CLMP: variants seen among roughly 807,000 people sequenced by gnomAD.
CLMP encodes the protein CXADR-like membrane protein.
CLMP carries 27 observed loss-of-function variants against 45.2 expected under a neutral mutation model. The ratio of observed to expected loss-of-function variants is 0.60; its 90% confidence interval spans 0.44 to 0.82. The LOEUF is 0.82. Among genes scored for constraint, CLMP ranks in the 40% least tolerant of loss-of-function variants. CLMP has a pLI of 0.00. For missense variants in CLMP, 403 were observed against 448.4 expected, an observed-to-expected ratio of 0.90 and a Z score of 0.91; for synonymous variants, 167 against 171.4, an observed-to-expected ratio of 0.97 and a Z score of 0.20.
At chr11:123,119,002 T>C (rs1591465649) in intron 1 of CLMP, among the ~76,000 whole-genome samples, 5 of 21,736 alleles carry the variant, frequency 2.3e-4, no homozygotes, top group Non-Finnish European at 4.3e-4. Context: ...TCTTTCTTTC[T>C]CTCTCTCTCT....
At chr11:123,157,923 A>C (rs113457451) in intron 1 of CLMP, among the ~76,000 whole-genome samples, 313 of 152,006 alleles carry the variant, frequency 2.1e-3, no homozygotes, top group African/African-American at 7.0e-3. Context: ...TGGAACCAAC[A>C]CAGTACTGCC....
chr11:123,140,679 G>T (rs2135516635), intron 1 of CLMP, among the ~76,000 whole-genome samples: 2 of 152,206 alleles, frequency 1.3e-5, no homozygotes, highest in East Asian at 3.9e-4. Flanking sequence ...GACTTTTCTG[G>T]CCAGGGAATT....
At chr11:123,106,969 GGAT>G (rs1408645988) in intron 1 of CLMP, among the ~76,000 whole-genome samples, 4 of 151,444 alleles carry the variant, frequency 2.6e-5, no homozygotes, top group Non-Finnish European at 5.9e-5. Context: ...GCAGTGAGCC[GGAT>G]TGAGCCACTG....
intron 1 of CLMP, among the ~76,000 whole-genome samples, chr11:123,170,221 T>A (rs1861611528): frequency 6.6e-6 from 1 of 152,168 alleles, no homozygotes; most frequent in Non-Finnish European, 1.5e-5. Context: ...CCTTATTTGT[T>A]ATGTGATGTG....
chr11:123,191,046 A>C (rs1861899931), intron 1 of CLMP, among the ~76,000 whole-genome samples: 1 of 152,204 alleles, frequency 6.6e-6, no homozygotes, highest in Admixed American at 6.5e-5. Context: ...GGTCTCAATG[A>C]GGTCTTAAAT....
chr11:123,101,586 T>C (rs550626396), intron 1 of CLMP, among the ~76,000 whole-genome samples: 35 of 152,310 alleles, frequency 2.3e-4, no homozygotes, highest in Admixed American at 1.4e-3. Context: ...CTGAGACTGC[T>C]GGGGAGGAGC....
At chr11:123,123,044 C>T (rs180969170) in intron 1 of CLMP, among the ~76,000 whole-genome samples, 35 of 152,056 alleles carry the variant, frequency 2.3e-4, no homozygotes, top group Middle Eastern at 3.4e-3. Context: ...GGAAACCCTA[C>T]CAGACACCGA....
At chr11:123,088,839 G>A (rs1865894835) in intron 2 of CLMP, among the ~76,000 whole-genome samples, 1 of 152,096 alleles carries the variant, frequency 6.6e-6, no homozygotes, top group Non-Finnish European at 1.5e-5. Context: ...GGTCAGGCTG[G>A]TCTCGAACTC....
chr11:123,192,958 TTAAA>T (rs1428452246), intron 1 of CLMP: 2 of 152,242 alleles, frequency 1.3e-5, no homozygotes, highest in African/African-American at 4.8e-5. Context: ...AAACCATTTC[TTAAA>T]TAAGGACAGG....
intron 2 of CLMP, among the ~76,000 whole-genome samples, chr11:123,090,260 ATTG>A (rs1472056682): frequency 6.8e-6 from 1 of 146,358 alleles, no homozygotes; most frequent in East Asian, 2.0e-4. Context: ...CCTGGCCAAC[ATTG>A]CGAAACCCCC....
intron 5 of CLMP, among the ~76,000 whole-genome samples, chr11:123,082,636 A>G (rs1865819222): frequency 7.2e-6 from 1 of 138,618 alleles, no homozygotes; most frequent in Non-Finnish European, 1.5e-5. Flanking sequence ...TTTGAGAGGG[A>G]GTCTCAGTCT....
chr11:123,170,233 C>T (rs1482110977), intron 1 of CLMP, among the ~76,000 whole-genome samples: 2 of 151,942 alleles, frequency 1.3e-5, no homozygotes, highest in African/African-American at 4.8e-5. Context: ...TGTGATGTGC[C>T]CGAGTCAGGT....
At chr11:123,074,554 T>C in intron 6 of CLMP, 148 bp downstream of exon 6, 4 of 766,682 alleles carry the variant, frequency 5.2e-6, no homozygotes, top group Non-Finnish European at 8.7e-6. Flanking sequence ...ATACCCTCTG[T>C]CCCTAGGCTG....
intron 1 of CLMP, among the ~76,000 whole-genome samples, chr11:123,182,268 A>T (rs1861779249): frequency 6.6e-6 from 1 of 152,242 alleles, no homozygotes; most frequent in African/African-American, 2.4e-5. Flanking sequence ...GCATCCTGCG[A>T]AGAGCTGGCC....
At chr11:123,190,016 A>ACC (rs1565407874) in intron 1 of CLMP, among the ~76,000 whole-genome samples, 1 of 150,210 alleles carries the variant, frequency 6.7e-6, no homozygotes, top group Non-Finnish European at 1.5e-5. Flanking sequence ...AAAAAAAAAA[A>ACC]AAAAAAACAA....
intron 1 of CLMP, among the ~76,000 whole-genome samples, chr11:123,125,940 C>G (rs1418606826): frequency 6.6e-6 from 1 of 152,050 alleles, no homozygotes; most frequent in Non-Finnish European, 1.5e-5. Flanking sequence ...CTTCGCACAG[C>G]AGGAGCACAT....
Position 123,100,827 on chromosome 11 carries a change from G to C in CLMP, c.29-2875C>G, listed in dbSNP as rs143772434. 3.1e-3 allele frequency among the ~76,000 whole-genome samples: 470 copies of C among 151,540 alleles called. 2 individuals carry two copies. The highest frequency in any genetic ancestry group is 0.011 in the African/African-American group (457 of 41,290). On this transcript the variant is annotated intron_variant, in intron 1 of 6. Transcript: ENST00000448775. ...AACACTTTTTTTTTCCTCCCACTGA[G>C]ACAGGAAGTCAGGGCTTGGCATCCT...
intron 2 of CLMP, among the ~76,000 whole-genome samples, chr11:123,087,870 C>T (rs988178426): frequency 4.0e-5 from 6 of 151,848 alleles, no homozygotes; most frequent in Non-Finnish European, 7.4e-5. Context: ...TTGTTGGCCC[C>T]ACATCCTGTT....
chr11:123,189,846 C>CA (rs1409727744), intron 1 of CLMP, among the ~76,000 whole-genome samples: 6 of 151,768 alleles, frequency 4.0e-5, no homozygotes, highest in Non-Finnish European at 8.8e-5. Context: ...ATTAAAAATA[C>CA]AAAAAATTAG....
Sources: allele counts gnomAD v4.1 joint callset (sites outside exome capture counted in the v4.1 genomes callset), GRCh38; gene constraint gnomAD v4.1.1; transcripts MANE v1.5; gene names NCBI Gene and HGNC (gene_info 2026-07-23, HGNC 2026-07-21).